The following SRRM4 variants were observed in gnomAD, a reference collection of about 807,000 sequenced individuals.
SRRM4 encodes the protein serine/arginine repetitive matrix 4.
Under a neutral mutation model 68.9 loss-of-function variants are expected in SRRM4, and 33 were observed. That is an observed-to-expected ratio of 0.48 (90% CI 0.36 to 0.64). The LOEUF is 0.64. SRRM4 is among the 30% of genes least tolerant of loss of function. SRRM4 has a pLI of 0.00. For missense variants in SRRM4, 817 were observed against 827.1 expected (o/e 0.99, Z 0.15); for synonymous variants, 318 against 318.8 (o/e 1.00, Z 0.03).
At chr12:119,019,456 C>G (rs1525946) in intron 1 of SRRM4, among the ~76,000 whole-genome samples, 42,212 of 151,906 alleles carry the variant, frequency 0.28, 6,119 homozygotes, top group Non-Finnish European at 0.31. Flanking sequence ...GAATTCCCCC[C>G]CTCAAGCATT....
At chr12:119,082,341 T>C (rs1343695234) in intron 1 of SRRM4, among the ~76,000 whole-genome samples, 1 of 152,138 alleles carries the variant, frequency 6.6e-6, no homozygotes, top group East Asian at 1.9e-4. Flanking sequence ...CATTTCTTTC[T>C]TAGCATCTCC....
intron 1 of SRRM4, chr12:119,001,532 AAC>A (rs1222182518): frequency 6.6e-6 from 1 of 152,240 alleles, no homozygotes; most frequent in African/African-American, 2.4e-5. Flanking sequence ...CAGGAAAAAT[AAC>A]AGTTACTATT....
chr12:119,117,782 C>T (rs574440483), intron 4 of SRRM4, among the ~76,000 whole-genome samples: 7 of 152,140 alleles, frequency 4.6e-5, no homozygotes, highest in Non-Finnish European at 8.8e-5. Flanking sequence ...TGTGGTGGCA[C>T]GTGCCTGTAA....
At chr12:119,138,820 C>G (rs1592913714) in intron 8 of SRRM4, among the ~76,000 whole-genome samples, 1 of 152,126 alleles carries the variant, frequency 6.6e-6, no homozygotes, top group African/African-American at 2.4e-5. Flanking sequence ...CTTGTGGAAG[C>G]TGGATTTTCA....
At chr12:119,053,533 G>C (rs1953757762) in intron 1 of SRRM4, among the ~76,000 whole-genome samples, 1 of 152,158 alleles carries the variant, frequency 6.6e-6, no homozygotes, top group African/African-American at 2.4e-5. Flanking sequence ...GTGACTCTCT[G>C]TTTTGGTGTC....
At chr12:119,099,005 C>T (rs1223875722) in intron 1 of SRRM4, among the ~76,000 whole-genome samples, 1 of 152,154 alleles carries the variant, frequency 6.6e-6, no homozygotes, top group Non-Finnish European at 1.5e-5. Context: ...AATCCAGTCC[C>T]TATCACTCCT....
chr12:119,124,231 A>T (rs1332635823), intron 6 of SRRM4: 1 of 152,180 alleles, frequency 6.6e-6, no homozygotes, highest in Non-Finnish European at 1.5e-5. Flanking sequence ...CTAAGACATC[A>T]TGAACTGGGA....
chr12:119,136,515 C>A (rs1352204944), intron 8 of SRRM4, among the ~76,000 whole-genome samples: 3 of 144,484 alleles, frequency 2.1e-5, no homozygotes, highest in African/African-American at 8.7e-5. Flanking sequence ...AGTGACATAG[C>A]ATTGTCAACT....
chr12:119,131,407 C>A (rs187751014), intron 8 of SRRM4, among the ~76,000 whole-genome samples: 1 of 152,196 alleles, frequency 6.6e-6, no homozygotes, highest in Non-Finnish European at 1.5e-5. Context: ...CACAGCTGTT[C>A]TCACTAGTCC....
intron 2 of SRRM4, among the ~76,000 whole-genome samples, chr12:119,110,647 G>A (rs534136670): frequency 6.6e-6 from 1 of 152,344 alleles, no homozygotes; most frequent in East Asian, 1.9e-4. Context: ...ATAATCTCCT[G>A]GTGTGCCATT....
Position 119,102,372 on chromosome 12 carries a change from A to G in SRRM4, c.268A>G (p.Arg90Gly), listed in dbSNP as rs375971257. ...DKTCRELGAT[R>G]GHSASHDKDL... ...GACCTGTCGGGAACTGGGTGCCACC[A>G]GAGGACACAGGTGAGATCCAATGAG... Residue 90 changes from arginine to glycine, a missense_variant, in exon 2 of 13, where the codon AGA (arginine) becomes GGA (glycine). Physicochemically the swap from Arg to Gly is moderately radical, Grantham distance 125 (BLOSUM62 -2). Coordinates refer to ENST00000267260, the MANE Select transcript of SRRM4 (RefSeq NM_194286.4). 27 of 1,612,280 alleles carry G rather than the reference A, an allele frequency of 1.7e-5. No individual in the cohort carries two copies. In the African/African-American group the frequency reaches 3.3e-4, roughly 20 times the overall value.
intron 1 of SRRM4, among the ~76,000 whole-genome samples, chr12:118,998,068 T>G (rs1383594055): frequency 6.6e-6 from 1 of 152,128 alleles, no homozygotes; most frequent in Non-Finnish European, 1.5e-5. Flanking sequence ...GAGCCAAGTT[T>G]GCTGGTCAGA....
intron 7 of SRRM4, among the ~76,000 whole-genome samples, chr12:119,128,523 G>C (rs7954884): frequency 0.56 from 84,561 of 152,070 alleles, 23,754 homozygotes; most frequent in South Asian, 0.63. Context: ...CCTATGGTAT[G>C]AAGGAGTGAC....
chr12:119,120,130 T>G, intron 4 of SRRM4, 120 bp from the exon 5 acceptor site: 1 of 529,026 alleles, frequency 1.9e-6, no homozygotes. Context: ...ATCCCTCCCT[T>G]TCTTCCTTCC....
intron 1 of SRRM4, among the ~76,000 whole-genome samples, chr12:119,062,838 G>T (rs890723745): frequency 2.0e-5 from 3 of 152,200 alleles, no homozygotes; most frequent in Non-Finnish European, 4.4e-5. Flanking sequence ...CCACTTATTA[G>T]TGGCCCTAGG....
At chr12:118,986,257 A>G (rs556630681) in intron 1 of SRRM4, among the ~76,000 whole-genome samples, 59 of 152,324 alleles carry the variant, frequency 3.9e-4, no homozygotes, top group African/African-American at 1.4e-3. Flanking sequence ...TTAAGAGCCA[A>G]TGCGCTGAGG....
chr12:119,119,669 A>G (rs1389549546), intron 4 of SRRM4, among the ~76,000 whole-genome samples: 1 of 152,166 alleles, frequency 6.6e-6, no homozygotes, highest in African/African-American at 2.4e-5. Flanking sequence ...ATGAGATTGT[A>G]CGTGACAGGT....
intron 1 of SRRM4, among the ~76,000 whole-genome samples, chr12:119,055,938 T>C (rs1473542704): frequency 6.6e-6 from 1 of 152,256 alleles, no homozygotes; most frequent in African/African-American, 2.4e-5. Flanking sequence ...CATGCTGTAC[T>C]GCCTAACAAT....
At chr12:119,004,183 C>G (rs896150369) in intron 1 of SRRM4, among the ~76,000 whole-genome samples, 1 of 151,960 alleles carries the variant, frequency 6.6e-6, no homozygotes, top group East Asian at 2.0e-4. Flanking sequence ...AGCTGCAGGT[C>G]CCACACACCT....
Sources: gnomAD v4.1 joint callset for allele counts (sites outside exome capture counted in the v4.1 genomes callset) on GRCh38, gnomAD v4.1.1 for gene constraint, MANE v1.5 for transcripts, NCBI Gene and HGNC (gene_info 2026-07-23, HGNC 2026-07-21) for gene names.